TNRC6C: variants seen among roughly 807,000 people sequenced by gnomAD.
TNRC6C encodes the protein trinucleotide repeat containing adaptor 6C.
A neutral mutation model predicts 153.7 loss-of-function variants in TNRC6C; 20 were observed. The ratio of observed to expected loss-of-function variants is 0.13; its 90% CI spans 0.09 to 0.19. The LOEUF is 0.19. TNRC6C is among the 10% of genes least tolerant of loss of function. TNRC6C has a pLI of 1.00. For synonymous variants in TNRC6C, 811 were observed against 841.4 expected (o/e 0.96, Z 0.63); for missense variants, 1,987 against 2,172.0 (o/e 0.91, Z 1.69).
chr17:78,004,963 A>G, upstream of TNRC6C: 1 of 989,396 alleles, frequency 1.0e-6, no homozygotes, highest in Non-Finnish European at 1.3e-6. Context: ...TTTCAATACT[A>G]AAAGTTTGCT....
chr17:78,062,412 A>AT, intron 3 of TNRC6C, among the ~76,000 whole-genome samples: 1 of 152,340 alleles, frequency 6.6e-6, no homozygotes, highest in South Asian at 2.1e-4. Flanking sequence ...ACATTTTGTA[A>AT]TTGATATTGT....
chr17:78,029,623 AT>A (rs869099092), intron 1 of TNRC6C, among the ~76,000 whole-genome samples: 4 of 151,942 alleles, frequency 2.6e-5, no homozygotes, highest in Non-Finnish European at 5.9e-5. Context: ...ACTTAAAAAA[AT>A]TTTTTTTCAG....
rs376860207 is a variant in TNRC6C, at chr17:78,086,925, G to A, written c.3634G>A (p.Val1212Met). The change falls in exon 13 of 20, where the codon GTG becomes ATG. Residue 1212 changes from valine (V) to methionine (M), a missense_variant. Physicochemically the swap from Val to Met is conservative, Grantham distance 21. Around this residue, in one of 4 missense-constraint regions of TNRC6C, gnomAD observed 765 missense variants for 908.6 expected, o/e 0.84. Transcript: ENST00000301624. Reference sequence around the variant, plus strand: ...GCGCCAGCTGGCCCAGGCCCTGCTCGTGAAGCAGCCACCACCGCCACCGCC... The same window carrying A: ...GCGCCAGCTGGCCCAGGCCCTGCTCATGAAGCAGCCACCACCGCCACCGCC... 33 of 1,612,434 alleles carry A rather than the reference G, an allele frequency of 2.0e-5. No homozygotes were observed. Among genetic ancestry groups the A allele is most frequent in the South Asian group, 4.4e-5 (4 of 91,064 alleles).
upstream of TNRC6C, among the ~76,000 whole-genome samples, chr17:78,001,533 G>A (rs2071411867): frequency 6.6e-6 from 1 of 152,148 alleles, no homozygotes; most frequent in Non-Finnish European, 1.5e-5. Context: ...GTACATTATG[G>A]AGCCATTAGA....
intron 1 of TNRC6C, among the ~76,000 whole-genome samples, chr17:78,005,882 C>CG (rs1326532859): frequency 1.3e-5 from 2 of 151,876 alleles, no homozygotes; most frequent in African/African-American, 4.8e-5. Flanking sequence ...AAAAAAAAGA[C>CG]TAATTGAGAT....
intron 1 of TNRC6C, among the ~76,000 whole-genome samples, chr17:77,983,829 ATATT>A (rs1469255307): frequency 6.6e-6 from 1 of 152,196 alleles, no homozygotes; most frequent in Non-Finnish European, 1.5e-5. Context: ...AGAGAACAGA[ATATT>A]TAGTGGGACT....
At chr17:78,040,353 G>T (rs1016875601) in intron 2 of TNRC6C, among the ~76,000 whole-genome samples, 4 of 152,178 alleles carry the variant, frequency 2.6e-5, no homozygotes, top group Non-Finnish European at 5.9e-5. Flanking sequence ...ATAATAATAA[G>T]TTCTTGTGCC....
intron 1 of TNRC6C, among the ~76,000 whole-genome samples, chr17:77,996,087 A>G (rs754073452): frequency 2.6e-5 from 4 of 152,116 alleles, no homozygotes; most frequent in Non-Finnish European, 5.9e-5. Context: ...ACAAACAACA[A>G]TCCTCCCATA....
chr17:78,027,996 C>T (rs991691869), intron 1 of TNRC6C, among the ~76,000 whole-genome samples: 1 of 151,094 alleles, frequency 6.6e-6, no homozygotes, highest in Non-Finnish European at 1.5e-5. Context: ...CCCGGGTTCA[C>T]GCCATTCTCC....
chr17:78,103,652 A>C (rs963791265), intron 19 of TNRC6C, 99 bp downstream of exon 22: 1 of 1,503,434 alleles, frequency 6.7e-7, no homozygotes, highest in Non-Finnish European at 8.9e-7. Context: ...CCACCATAGC[A>C]GAATCCCACA....
intron 1 of TNRC6C, among the ~76,000 whole-genome samples, chr17:77,988,605 A>T (rs1313480626): frequency 1.3e-5 from 2 of 152,172 alleles, no homozygotes; most frequent in African/African-American, 2.4e-5. Flanking sequence ...CATTTTTACC[A>T]CCAGGGGCTA....
At position 78,090,138 on chromosome 17, in the gene TNRC6C, G is replaced by A. The variant is rs146843037; in HGVS notation, c.3803-1302G>A. On this transcript the variant is annotated intron_variant, in intron 13 of 19. Coordinates refer to ENST00000301624, the Ensembl canonical transcript of TNRC6C. ...TTTGTTAGGTCTGCGAAGTGTGTGT[G>A]TGCATGTGCATAGGTGTGTGTTAAT... Among the ~76,000 whole-genome samples, 1,213 of 152,350 alleles carry A rather than the reference G, an allele frequency of 8.0e-3. 20 individuals carry two copies. The highest frequency in any genetic ancestry group is 0.027 in the African/African-American group (1,118 of 41,576).
At position 78,097,953 on chromosome 17, in the gene TNRC6C, TACTC is replaced by T. The variant is rs1166792649; in HGVS notation, c.4307-385_4307-382del. ...GCCCCAGCTTTTCCTATTGGCTCTT[TACTC>T]ACTCCCTGAGCTGGGAGGCCGTGTG... On this transcript the variant is annotated intron_variant, in intron 16 of 19. Coordinates refer to ENST00000301624, the Ensembl canonical transcript of TNRC6C. 16 of 1,079,466 alleles carry T rather than the reference TACTC, an allele frequency of 1.5e-5. No homozygotes were observed. The East Asian group carries it at 4.0e-4, about 27-fold the overall frequency. The allele number at this position is 1,079,466 out of a possible 1,614,324, so 66.9% of individuals were successfully genotyped here. A position where few individuals can be genotyped will look rare whatever the true frequency, so the allele number is the denominator to read the frequency against.
At chr17:78,099,372 G>A (rs1487568140) in intron 17 of TNRC6C, among the ~76,000 whole-genome samples, 4 of 152,190 alleles carry the variant, frequency 2.6e-5, no homozygotes, top group Admixed American at 6.5e-5. Flanking sequence ...AGACATACCC[G>A]AGACTGGGCA....
chr17:78,086,372 A>C, intron 11 of TNRC6C, 131 bp from the exon 14 acceptor site: 1 of 452,462 alleles, frequency 2.2e-6, no homozygotes. Flanking sequence ...AGTATGTGTC[A>C]GCCACAGTAT....
At chr17:78,044,638 G>A (rs1275020594) in intron 2 of TNRC6C, among the ~76,000 whole-genome samples, 2 of 152,204 alleles carry the variant, frequency 1.3e-5, no homozygotes, top group East Asian at 3.8e-4. Flanking sequence ...CAAGCTCTGG[G>A]CCCATGAGCC....
At chr17:77,965,523 G>A (rs747013913) in intron 1 of TNRC6C, among the ~76,000 whole-genome samples, 54 of 152,174 alleles carry the variant, frequency 3.5e-4, no homozygotes, top group Admixed American at 5.9e-4. Flanking sequence ...TTATCATTCC[G>A]CTGTGCTGCC....
intron 3 of TNRC6C, among the ~76,000 whole-genome samples, chr17:78,061,458 C>T (rs1215415515): frequency 1.3e-5 from 2 of 152,128 alleles, no homozygotes; most frequent in African/African-American, 4.8e-5. Flanking sequence ...TCAGATGGTA[C>T]ATCCTAGTGT....
chr17:78,076,347 G>A (rs535647944), intron 8 of TNRC6C, among the ~76,000 whole-genome samples: 2 of 152,264 alleles, frequency 1.3e-5, no homozygotes, highest in African/African-American at 4.8e-5. Context: ...GGGTAGCCCA[G>A]GGTGAGGCTC....
Sources: gnomAD v4.1 joint callset for allele counts (sites outside exome capture counted in the v4.1 genomes callset) on GRCh38, gnomAD v4.1.1 for gene constraint, gnomAD v4.1.1 regional missense constraint, MANE v1.5 for transcripts, NCBI Gene and HGNC (gene_info 2026-07-23, HGNC 2026-07-21) for gene names.